The following CYP19A1 variants were observed in gnomAD, a reference collection of about 807,000 sequenced individuals.
The protein encoded by CYP19A1 is aromatase.
CYP19A1 carries 32 observed loss-of-function variants against 44.4 expected under a neutral mutation model. That is an observed-to-expected ratio of 0.72 (90% CI 0.54 to 0.97). The LOEUF is 0.97. Among genes scored for constraint, CYP19A1 ranks in the 50% least tolerant of loss-of-function variants. The pLI, the probability that CYP19A1 is intolerant of heterozygous loss-of-function variation, is 0.00. For synonymous variants in CYP19A1, 212 were observed against 215.6 expected (o/e 0.98, Z 0.14); for missense variants, 598 against 637.8 (o/e 0.94, Z 0.67).
chr15:51,309,793 G>A (rs1003128413), intron 1 of CYP19A1, among the ~76,000 whole-genome samples: 2 of 152,220 alleles, frequency 1.3e-5, no homozygotes, highest in Non-Finnish European at 2.9e-5. Context: ...AGATCCACAA[G>A]ATGTCTTGGG....
chr15:51,282,550 A>C (rs553693459), intron 1 of CYP19A1, among the ~76,000 whole-genome samples: 1 of 152,320 alleles, frequency 6.6e-6, no homozygotes, highest in East Asian at 1.9e-4. Context: ...GGGCTTCCAG[A>C]GCTCAGGGCC....
In CYP19A1 at chr15:51,210,970, G is replaced by C; in HGVS notation, c.1350C>G (p.Ile450Met). 1 of 1,606,484 alleles carries C rather than the reference G, an allele frequency of 6.2e-7. No homozygotes were observed. The highest frequency in any genetic ancestry group is 8.5e-7 in the Non-Finnish European group (1 of 1,173,006). Residue 450 changes from isoleucine (I) to methionine (M), a missense_variant, in exon 10 of 10, where the codon ATC becomes ATG. Ile to Met is a conservative substitution (Grantham distance 10). Transcript: ENST00000396402. Reference protein sequence around the residue: ...KYIAMVMMKAILVTLLRRFHV... With the variant: ...KYIAMVMMKAMLVTLLRRFHV... ...GGAATCGTCTCAGAAGTGTAACGAG[G>C]ATGGCTTTCATCATCACCATGGCGA...
chr15:51,329,561 A>G (rs566792108), intron 1 of CYP19A1, among the ~76,000 whole-genome samples: 1 of 152,338 alleles, frequency 6.6e-6, no homozygotes, highest in East Asian at 1.9e-4. Flanking sequence ...ACATGTATAG[A>G]GAACTCCCTT....
intron 1 of CYP19A1, among the ~76,000 whole-genome samples, chr15:51,263,066 T>C (rs1359828125): frequency 6.6e-6 from 1 of 152,082 alleles, no homozygotes; most frequent in African/African-American, 2.4e-5. Context: ...GAAGCTGAAA[T>C]TGCAAGGCAG....
Position 51,212,068 on chromosome 15 carries a change from T to G in CYP19A1, c.1263+252A>C, listed in dbSNP as rs28757196. Among the ~76,000 whole-genome samples, 1,650 of 152,278 alleles carry G rather than the reference T, an allele frequency of 0.011. 34 individuals are homozygous for G. Among genetic ancestry groups the G allele is most frequent in the African/African-American group, 0.038 (1,576 of 41,546 alleles). On this transcript the variant is annotated intron_variant, in intron 9 of 9. Transcript: ENST00000396402. ...TTAGCCAAATGAAGGGCCCAGCTTT[T>G]TCACATTTTGACCTATTTTGTGGCC... is the stretch of plus-strand genomic sequence containing the variant.
Position 51,215,695 on chromosome 15 carries a change from G to A in CYP19A1, c.858+8C>T, listed in dbSNP as rs2141043503. ...GGCATGGGAATTACAGTTAGTTCAG[G>A]TCAGTACCTCTGCTAAAATCAACTC... On this transcript the variant is annotated splice_region_variant and intron_variant, in intron 7 of 9. Coordinates refer to ENST00000396402, the MANE Select transcript of CYP19A1 (RefSeq NM_000103.4). 9.3e-6 allele frequency: 15 copies of A among 1,613,938 alleles called. No homozygotes were observed. The highest frequency in any genetic ancestry group is 1.3e-5 in the Non-Finnish European group (15 of 1,179,946).
intron 1 of CYP19A1, among the ~76,000 whole-genome samples, chr15:51,302,703 T>C (rs2036139735): frequency 6.6e-6 from 1 of 152,178 alleles, no homozygotes; most frequent in Non-Finnish European, 1.5e-5. Flanking sequence ...CTGTGGAAAG[T>C]CCCCTGCCAT....
intron 1 of CYP19A1, among the ~76,000 whole-genome samples, chr15:51,248,690 A>G (rs771686960): frequency 5.9e-5 from 9 of 152,150 alleles, no homozygotes; most frequent in Non-Finnish European, 1.2e-4. Flanking sequence ...CGCTTCTAGA[A>G]CAGTGTCCAG....
intron 1 of CYP19A1, among the ~76,000 whole-genome samples, chr15:51,250,614 T>G (rs893846223): frequency 6.6e-6 from 1 of 152,200 alleles, no homozygotes; most frequent in African/African-American, 2.4e-5. Context: ...ATCTAAGGCA[T>G]TTCAGGCCAT....
At position 51,210,543 on chromosome 15, in the gene CYP19A1, T is replaced by C; in HGVS notation, c.*265A>G. The C allele has an allele frequency of 3.3e-6, 2 of 613,872 alleles. No individual in the cohort carries two copies. The highest frequency in any genetic ancestry group is 4.2e-5 in the Admixed American group (2 of 47,224). The allele number at this position is 613,872 out of a possible 1,614,324, so 38.0% of individuals were successfully genotyped here. A position where few individuals can be genotyped will look rare whatever the true frequency, so the allele number is the denominator to read the frequency against. ...TCAAAGCACATTTGGTGGAATCGGG[T>C]CTTTATGGATACGGTTTCTTCACCG... is the stretch of plus-strand genomic sequence containing the variant. On this transcript the variant is annotated 3_prime_UTR_variant, in exon 10 of 10. Transcript: ENST00000396402.
At chr15:51,332,608 T>G (rs1219942503) in intron 1 of CYP19A1, among the ~76,000 whole-genome samples, 1 of 152,248 alleles carries the variant, frequency 6.6e-6, no homozygotes, top group Non-Finnish European at 1.5e-5. Context: ...TTTAAGCTGA[T>G]TCATCTATTG....
At chr15:51,267,447 A>G (rs979004844) in intron 1 of CYP19A1, among the ~76,000 whole-genome samples, 2 of 152,194 alleles carry the variant, frequency 1.3e-5, no homozygotes, top group Non-Finnish European at 2.9e-5. Flanking sequence ...GCTTGAGCAC[A>G]GGGACGCTGG....
At chr15:51,216,278 G>A (rs766922286) in intron 6 of CYP19A1, among the ~76,000 whole-genome samples, 1 of 152,064 alleles carries the variant, frequency 6.6e-6, no homozygotes, top group Non-Finnish European at 1.5e-5. Context: ...CTGAGACAAA[G>A]TCTCAATCTG....
At chr15:51,301,431 A>G (rs1252028465) in intron 1 of CYP19A1, among the ~76,000 whole-genome samples, 1 of 152,234 alleles carries the variant, frequency 6.6e-6, no homozygotes, top group East Asian at 1.9e-4. Flanking sequence ...TGCCGGGGCT[A>G]CACCTCCAAG....
Position 51,325,193 on chromosome 15 carries a change from C to T in CYP19A1, c.-39+13302G>A, listed in dbSNP as rs943188052. Among the ~76,000 whole-genome samples, 11 of 151,996 alleles carry T rather than the reference C, an allele frequency of 7.2e-5. No homozygotes were observed. In the East Asian group the frequency reaches 1.9e-3, roughly 27 times the overall value. ...AAGAGACCCTATCTCAAAAAACATT[C>T]CCTGTTTGCCTAGGGTCAGTGTCCA... On this transcript the variant is annotated intron_variant, in intron 1 of 9. Coordinates refer to ENST00000396402, the MANE Select transcript of CYP19A1 (RefSeq NM_000103.4).
chr15:51,334,000 C>T (rs2036740574), intron 1 of CYP19A1, among the ~76,000 whole-genome samples: 2 of 152,192 alleles, frequency 1.3e-5, no homozygotes, highest in South Asian at 4.1e-4. Context: ...CATGTTCTTA[C>T]ATCATTGATC....
intron 2 of CYP19A1, among the ~76,000 whole-genome samples, chr15:51,240,642 A>G (rs972216504): frequency 5.3e-5 from 8 of 152,154 alleles, no homozygotes; most frequent in Non-Finnish European, 1.2e-4. Context: ...AAACCATAGG[A>G]TCTCACAGTC....
chr15:51,218,373 C>A, intron 6 of CYP19A1, 168 bp downstream of exon 6: 5 of 1,064,776 alleles, frequency 4.7e-6, no homozygotes, highest in Non-Finnish European at 6.5e-6. Flanking sequence ...TGGCCAAATG[C>A]AGCCAAATTG....
chr15:51,243,026 G>A (rs1045317119), intron 1 of CYP19A1, 76 bp from the exon 2 acceptor site: 3 of 788,658 alleles, frequency 3.8e-6, no homozygotes, highest in African/African-American at 1.7e-5. Flanking sequence ...GCTTCAGAGG[G>A]TGCTGTACAG....
Sources: allele counts gnomAD v4.1 joint callset (sites outside exome capture counted in the v4.1 genomes callset), GRCh38; gene constraint gnomAD v4.1.1; transcripts MANE v1.5; gene names NCBI Gene and HGNC (gene_info 2026-07-23, HGNC 2026-07-21).